SERGEF: variants seen among roughly 807,000 people sequenced by gnomAD.
SERGEF encodes the protein secretion-regulating guanine nucleotide exchange factor.
A neutral mutation model predicts 50.0 loss-of-function variants in SERGEF; 51 were observed. The observed-to-expected ratio is 1.02, with a 90% CI of 0.81 to 1.29. The LOEUF is 1.29. Among genes scored for constraint, SERGEF ranks in the 50% most tolerant of loss-of-function variants. SERGEF has a pLI of 0.00. For synonymous variants in SERGEF, 205 were observed against 212.4 expected (o/e 0.97, Z 0.30); for missense variants, 521 against 557.0 (o/e 0.94, Z 0.65).
intron 8 of SERGEF, among the ~76,000 whole-genome samples, chr11:17,975,203 T>G (rs1276300869): frequency 1.3e-5 from 2 of 152,146 alleles, no homozygotes. Flanking sequence ...CCAAGTAGAG[T>G]GAGCCCATGT....
intron 9 of SERGEF, among the ~76,000 whole-genome samples, chr11:17,916,087 C>G (rs1174675313): frequency 2.0e-5 from 3 of 152,150 alleles, no homozygotes; most frequent in African/African-American, 7.2e-5. Flanking sequence ...TCTGTGGAAT[C>G]ACAGCATCCA....
chr11:17,961,935 T>C (rs2133973430), intron 8 of SERGEF, among the ~76,000 whole-genome samples: 1 of 152,362 alleles, frequency 6.6e-6, no homozygotes, highest in South Asian at 2.1e-4. Flanking sequence ...ACCCAGTACA[T>C]TCATTGACGC....
chr11:17,911,902 A>G (rs1468470241), intron 9 of SERGEF, among the ~76,000 whole-genome samples: 1 of 152,194 alleles, frequency 6.6e-6, no homozygotes, highest in Non-Finnish European at 1.5e-5. Flanking sequence ...GAAGCAGGGA[A>G]GTCAAGTGGA....
chr11:17,975,815 G>A (rs1853359729), intron 8 of SERGEF, among the ~76,000 whole-genome samples: 1 of 152,156 alleles, frequency 6.6e-6, no homozygotes, highest in African/African-American at 2.4e-5. Flanking sequence ...GTACCCAAAA[G>A]TTCCCAATGT....
chr11:18,004,355 C>T, intron 4 of SERGEF, 86 bp downstream of exon 4: 1 of 952,666 alleles, frequency 1.0e-6, no homozygotes, highest in Non-Finnish European at 1.6e-6. Context: ...GGGATCCTGA[C>T]AGCCTTTTAT....
At chr11:18,001,539 C>A (rs79936564) in intron 4 of SERGEF, among the ~76,000 whole-genome samples, 2 of 152,158 alleles carry the variant, frequency 1.3e-5, no homozygotes, top group Non-Finnish European at 2.9e-5. Context: ...TACAGGTCCA[C>A]GGAGATTGCA....
intron 10 of SERGEF, among the ~76,000 whole-genome samples, chr11:17,797,857 C>T (rs138007492): frequency 1.2e-4 from 19 of 152,326 alleles, no homozygotes; most frequent in African/African-American, 2.9e-4. Context: ...TCAGGAAGAA[C>T]GCTGCAATGA....
At chr11:17,989,999 G>T (rs1338644544) in intron 7 of SERGEF, among the ~76,000 whole-genome samples, 2 of 152,150 alleles carry the variant, frequency 1.3e-5, no homozygotes, top group Non-Finnish European at 2.9e-5. Context: ...ATTAATCAAG[G>T]CTGGAAGATA....
At chr11:17,914,802 A>G (rs1852018384) in intron 9 of SERGEF, among the ~76,000 whole-genome samples, 1 of 152,136 alleles carries the variant, frequency 6.6e-6, no homozygotes, top group South Asian at 2.1e-4. Context: ...ATTGAGGGTT[A>G]TTTTGTGTCA....
At chr11:17,952,434 C>A (rs868267639) in intron 9 of SERGEF, among the ~76,000 whole-genome samples, 70 of 152,246 alleles carry the variant, frequency 4.6e-4, no homozygotes, top group African/African-American at 1.5e-3. Flanking sequence ...AAAAGGTCTC[C>A]TTTCTTCTTG....
chr11:17,993,053 G>A, intron 6 of SERGEF, 60 bp from the exon 7 acceptor site: 1 of 1,447,554 alleles, frequency 6.9e-7, no homozygotes, highest in Admixed American at 1.8e-5. Flanking sequence ...TGGGCAGAGA[G>A]GGGGCACTCA....
At position 17,825,875 on chromosome 11, in the gene SERGEF, C is replaced by T. The variant is rs73424096; in HGVS notation, c.1049-37462G>A. On this transcript the variant is annotated intron_variant, in intron 10 of 10. Coordinates refer to ENST00000265965, the MANE Select transcript of SERGEF (RefSeq NM_012139.4). ...AGATGAAGTCAGTACACCTCACTCA[C>T]AGGGTTCCTTTCTTGGTGTATCACA... is the stretch of plus-strand genomic sequence containing the variant. Among the ~76,000 whole-genome samples the T allele has an allele frequency of 2.8e-3, 431 of 152,306 alleles. 2 individuals carry two copies. The highest frequency in any genetic ancestry group is 0.01 in the African/African-American group (418 of 41,560).
At chr11:17,833,041 A>G (rs1438114140) in intron 10 of SERGEF, among the ~76,000 whole-genome samples, 1 of 152,232 alleles carries the variant, frequency 6.6e-6, no homozygotes, top group African/African-American at 2.4e-5. Flanking sequence ...AGAAATTTGC[A>G]TAAGTAACGA....
In SERGEF at chr11:17,828,171, G is replaced by C. The variant is rs541220420; in HGVS notation, c.1049-39758C>G. Among the ~76,000 whole-genome samples the C allele has an allele frequency of 2.2e-3, 334 of 152,352 alleles. 1 individual carries two copies. Among genetic ancestry groups the C allele is most frequent in the African/African-American group, 7.6e-3 (317 of 41,580 alleles). On this transcript the variant is annotated intron_variant, in intron 10 of 10. Coordinates refer to ENST00000265965, the MANE Select transcript of SERGEF (RefSeq NM_012139.4). ...TCTCAAAACGTGTCTGTATCCTTGAGTGAGTAAGTCGGGAAGTTGATGTAA... is the reference window on the plus strand; with the variant it reads ...TCTCAAAACGTGTCTGTATCCTTGACTGAGTAAGTCGGGAAGTTGATGTAA...
At chr11:17,851,778 G>A (rs1850719418) in intron 10 of SERGEF, among the ~76,000 whole-genome samples, 1 of 152,216 alleles carries the variant, frequency 6.6e-6, no homozygotes, top group South Asian at 2.1e-4. Context: ...TGTATCCAAG[G>A]TGACTGTGCT....
At chr11:17,878,307 A>G in intron 9 of SERGEF, 63 bp from the exon 10 acceptor site, 1 of 1,330,604 alleles carries the variant, frequency 7.5e-7, no homozygotes, top group Non-Finnish European at 1.0e-6. Flanking sequence ...TTTTATAATC[A>G]TAGTTCTTTT....
At chr11:17,801,055 C>T (rs903147138) in intron 10 of SERGEF, among the ~76,000 whole-genome samples, 3 of 151,786 alleles carry the variant, frequency 2.0e-5, no homozygotes, top group Non-Finnish European at 4.4e-5. Flanking sequence ...ATTAGCCGGG[C>T]GTGGTGGTGG....
At chr11:17,988,572 C>G (rs376432750) in intron 8 of SERGEF, 25 bp downstream of exon 8, 2 of 1,611,494 alleles carry the variant, frequency 1.2e-6, no homozygotes, top group Non-Finnish European at 8.5e-7. Flanking sequence ...TCTTACCAAC[C>G]GTAAGTTCTC....
intron 9 of SERGEF, among the ~76,000 whole-genome samples, chr11:17,882,957 T>A (rs1284473968): frequency 1.3e-5 from 2 of 152,128 alleles, no homozygotes; most frequent in African/African-American, 4.8e-5. Flanking sequence ...AGCTTGCTGA[T>A]TGGGGCCTTC....
Sources: allele counts gnomAD v4.1 joint callset (sites outside exome capture counted in the v4.1 genomes callset), GRCh38; gene constraint gnomAD v4.1.1; transcripts MANE v1.5; gene names NCBI Gene and HGNC (gene_info 2026-07-23, HGNC 2026-07-21).